Variants in CDK5RAP1 observed in about 807,000 individuals in gnomAD.
CDK5RAP1 encodes CDK5RAP1 mitochondrial tRNA methylthiotransferase.
A neutral mutation model predicts 64.5 loss-of-function variants in CDK5RAP1; 62 were observed. The observed-to-expected ratio is 0.96, with a 90% CI of 0.78 to 1.19. The LOEUF is 1.19. Ranked by LOEUF, CDK5RAP1 falls within the 50% of genes most tolerant of loss-of-function variation. The pLI is 0.00. For missense variants in CDK5RAP1, 657 were observed against 735.0 expected (o/e 0.89, Z 1.23); for synonymous variants, 250 against 261.9 (o/e 0.95, Z 0.44).
At chr20:33,380,893 A>G (rs547362245) in intron 7 of CDK5RAP1, among the ~76,000 whole-genome samples, 6 of 152,142 alleles carry the variant, frequency 3.9e-5, no homozygotes, top group African/African-American at 1.4e-4. Flanking sequence ...CCAGCTACTA[A>G]GGAGGGTGAG....
intron 1 of CDK5RAP1, among the ~76,000 whole-genome samples, chr20:33,397,556 G>A (rs900554564): frequency 2.6e-5 from 4 of 152,188 alleles, no homozygotes; most frequent in Non-Finnish European, 4.4e-5. Flanking sequence ...TGCAAAGCCC[G>A]TGCCACTACC....
At chr20:33,391,306 G>C (rs146311055) in intron 5 of CDK5RAP1, among the ~76,000 whole-genome samples, 1 of 149,642 alleles carries the variant, frequency 6.7e-6, no homozygotes, top group East Asian at 2.0e-4. Flanking sequence ...AAAAATAATT[G>C]CGCTGTACAA....
intron 11 of CDK5RAP1, among the ~76,000 whole-genome samples, chr20:33,368,383 C>T (rs1984368496): frequency 1.3e-5 from 2 of 152,030 alleles, no homozygotes; most frequent in South Asian, 4.2e-4. Flanking sequence ...GTTTCAACCT[C>T]CCAGGCTCAA....
chr20:33,381,998 T>C (rs1199367432), intron 7 of CDK5RAP1, among the ~76,000 whole-genome samples: 1 of 152,050 alleles, frequency 6.6e-6, no homozygotes, highest in African/African-American at 2.4e-5. Flanking sequence ...ATTAATCTCT[T>C]AGTTTTTGCT....
In CDK5RAP1 at chr20:33,366,716, CA is replaced by C. The variant is rs1386869859; in HGVS notation, c.1542+142del. ...GATTTAAAACATCAGCCTGTAGTCC[CA>C]CCTACTTGGGAGGCTGAGGCAGGAG... On this transcript the variant is annotated intron_variant, in intron 12 of 13. Coordinates refer to ENST00000346416, the MANE Select transcript of CDK5RAP1 (RefSeq NM_016408.4). 4.4e-6 allele frequency: 3 copies of C among 674,536 alleles called. No homozygotes were observed. In the East Asian group the frequency reaches 8.4e-5, roughly 19 times the overall value. The allele number at this position is 674,536 out of a possible 1,614,324, so 41.8% of individuals were successfully genotyped here. A position where few individuals can be genotyped will look rare whatever the true frequency, so the allele number is the denominator to read the frequency against.
intron 1 of CDK5RAP1, among the ~76,000 whole-genome samples, chr20:33,398,100 T>C (rs1032712233): frequency 1.3e-5 from 2 of 152,348 alleles, no homozygotes; most frequent in East Asian, 1.9e-4. Flanking sequence ...AATTTGCCAC[T>C]TTCCATCAAA....
At chr20:33,369,856 A>G (rs1984691705) in intron 11 of CDK5RAP1, among the ~76,000 whole-genome samples, 1 of 152,204 alleles carries the variant, frequency 6.6e-6, no homozygotes, top group East Asian at 1.9e-4. Flanking sequence ...CCCTGGCCAC[A>G]GGGGGCCTTC....
At chr20:33,387,585 A>C in intron 5 of CDK5RAP1, 52 bp from the exon 6 acceptor site, 1 of 1,432,322 alleles carries the variant, frequency 7.0e-7, no homozygotes, top group Non-Finnish European at 9.8e-7. Flanking sequence ...CTGGTGTTTA[A>C]TGGCTTCTTC....
chr20:33,377,530 GCT>G (rs1986161606), intron 8 of CDK5RAP1, among the ~76,000 whole-genome samples: 1 of 152,184 alleles, frequency 6.6e-6, no homozygotes, highest in Non-Finnish European at 1.5e-5. Context: ...GAGGGGCCTT[GCT>G]CTGGATTAGG....
At chr20:33,368,422 AGCTGGGATCACAGGCATGTGCCACC>A (rs1984378800) in intron 11 of CDK5RAP1, among the ~76,000 whole-genome samples, 2 of 143,364 alleles carry the variant, frequency 1.4e-5, no homozygotes, top group Non-Finnish European at 3.0e-5. Flanking sequence ...CCTCCCAAAT[AGCTGGGATCACAGGCATGTGCCACC>A]ACTCTCGGCT....
rs1380837999 is a variant in CDK5RAP1 at position 33,401,480 on chromosome 20, A to G, written c.-73T>C. On this transcript the variant is annotated 5_prime_UTR_variant, in exon 1 of 14. Transcript: ENST00000346416. ...TCCCGCAGCGTAAGTTCTGCCGGCAAGTCGGATCCCCTCACAGGTCCGCCG... is the reference window on the plus strand; with the variant it reads ...TCCCGCAGCGTAAGTTCTGCCGGCAGGTCGGATCCCCTCACAGGTCCGCCG... 2 of 985,326 alleles carry G rather than the reference A, an allele frequency of 2.0e-6. No individual in the cohort carries two copies. Among genetic ancestry groups the G allele is most frequent in the African/African-American group, 1.7e-5 (1 of 57,246 alleles). 61.0% of individuals were successfully genotyped at this position (985,326 alleles called of 1,614,324 possible). A position where few individuals can be genotyped will look rare whatever the true frequency, so the allele number is the denominator to read the frequency against.
intron 8 of CDK5RAP1, among the ~76,000 whole-genome samples, chr20:33,376,333 TAAAAATAAAAATA>T (rs1414439868): frequency 6.6e-6 from 1 of 151,578 alleles, no homozygotes; most frequent in African/African-American, 2.4e-5. Context: ...CGAAAAAAAA[TAAAAATAAAAATA>T]AAAAATAAAA....
intron 10 of CDK5RAP1, among the ~76,000 whole-genome samples, chr20:33,371,504 T>C (rs1985012402): frequency 6.6e-6 from 1 of 151,940 alleles, no homozygotes; most frequent in South Asian, 2.1e-4. Context: ...TTAAAATAAT[T>C]AGGCCAGGTG....
chr20:33,381,067 C>T (rs577014680), intron 7 of CDK5RAP1, among the ~76,000 whole-genome samples: 1 of 152,248 alleles, frequency 6.6e-6, no homozygotes, highest in East Asian at 1.9e-4. Flanking sequence ...TGTTTTGTAA[C>T]TTTGACATAA....
chr20:33,367,974 A>G (rs1434809450), intron 11 of CDK5RAP1, among the ~76,000 whole-genome samples: 1 of 152,230 alleles, frequency 6.6e-6, no homozygotes, highest in Non-Finnish European at 1.5e-5. Context: ...CTGTCTTACT[A>G]CTAACAACAA....
At chr20:33,365,491 C>T (rs1423423378) in intron 12 of CDK5RAP1, among the ~76,000 whole-genome samples, 2 of 150,828 alleles carry the variant, frequency 1.3e-5, no homozygotes, top group South Asian at 2.1e-4. Context: ...AGACTGGTCT[C>T]GAACTCCTGA....
At chr20:33,370,346 G>T (rs993648753) in intron 11 of CDK5RAP1, among the ~76,000 whole-genome samples, 153 bp downstream of exon 11, 3 of 152,168 alleles carry the variant, frequency 2.0e-5, no homozygotes, top group African/African-American at 7.2e-5. Flanking sequence ...AGTAGACAGA[G>T]TGTACTAGAA....
chr20:33,371,782 C>T lies in CDK5RAP1; in HGVS notation c.1261+860G>A, dbSNP rs73117123. ...TGGGCAATAGAGCAAGATTCTGTCT[C>T]AAAAAAAAAGTTGTAATAATTAGAA... On this transcript the variant is annotated intron_variant, in intron 10 of 13. Transcript: ENST00000346416. Among the ~76,000 whole-genome samples the T allele has an allele frequency of 6.3e-3, 947 of 150,138 alleles. 5 individuals are homozygous for T. Among genetic ancestry groups the T allele is most frequent in the Non-Finnish European group, 8.9e-3 (599 of 67,462 alleles).
chr20:33,389,506 C>T (rs865988558), intron 5 of CDK5RAP1, among the ~76,000 whole-genome samples: 2 of 151,164 alleles, frequency 1.3e-5, no homozygotes, highest in Non-Finnish European at 3.0e-5. Flanking sequence ...GGTCAGCCCC[C>T]GCCCGGCCAG....
Sources: allele counts gnomAD v4.1 joint callset (sites outside exome capture counted in the v4.1 genomes callset), GRCh38; gene constraint gnomAD v4.1.1; transcripts MANE v1.5; gene names NCBI Gene and HGNC (gene_info 2026-07-23, HGNC 2026-07-21).